Variants in DNAH9 observed in about 807,000 individuals in gnomAD.
DNAH9 encodes the protein dynein axonemal heavy chain 9, also known as DNAH9 variant protein.
DNAH9 carries 345 observed loss-of-function variants against 471.6 expected under a neutral mutation model. The ratio of observed to expected loss-of-function variants is 0.73; its 90% CI spans 0.67 to 0.80. DNAH9 has a LOEUF of 0.80. Ranked by LOEUF, DNAH9 falls within the 30% of genes least tolerant of loss-of-function variation. DNAH9 has a pLI of 0.00. For synonymous variants in DNAH9, 2,093 were observed against 2,123.6 expected, an observed-to-expected ratio of 0.99 and a Z score of 0.40; for missense variants, 5,407 against 5,609.2, an observed-to-expected ratio of 0.96 and a Z score of 1.15.
intron 41 of DNAH9, among the ~76,000 whole-genome samples, chr17:11,786,150 G>A (rs1312216923): frequency 1.3e-5 from 2 of 152,172 alleles, no homozygotes; most frequent in Non-Finnish European, 2.9e-5. Flanking sequence ...AGAACTGAAG[G>A]GAGAAGCATC....
chr17:11,702,953 C>T (rs941595678), intron 24 of DNAH9, among the ~76,000 whole-genome samples: 2 of 151,882 alleles, frequency 1.3e-5, no homozygotes, highest in African/African-American at 4.8e-5. Context: ...ATTAGCCAGG[C>T]GTGGTGGTGG....
At chr17:11,867,109 G>A (rs894238637) in intron 50 of DNAH9, among the ~76,000 whole-genome samples, 2 of 152,216 alleles carry the variant, frequency 1.3e-5, no homozygotes, top group Non-Finnish European at 2.9e-5. Context: ...CCCGTCTTCT[G>A]CGTCGCTAAC....
chr17:11,624,039 G>C (rs1489032910), intron 6 of DNAH9, among the ~76,000 whole-genome samples: 1 of 152,198 alleles, frequency 6.6e-6, no homozygotes, highest in East Asian at 1.9e-4. Context: ...GCAGTAAGTG[G>C]AGTAATTGCA....
In DNAH9 at chr17:11,919,315, G is replaced by T. The variant is rs567248257; in HGVS notation, c.11750-4499G>T. On this transcript the variant is annotated intron_variant, in intron 61 of 68. Transcript: ENST00000262442. ...TCGAGACCATCCTGGCTAACACGGT[G>T]AAACCCTATCTCTACTAAAAATACA... Among the ~76,000 whole-genome samples, 13 of 151,898 alleles carry T rather than the reference G, an allele frequency of 8.6e-5. No individual in the cohort carries two copies. In the East Asian group the frequency reaches 2.2e-3, roughly 25 times the overall value.
chr17:11,969,545 G>T lies in DNAH9; in HGVS notation c.*18G>T. On this transcript the variant is annotated 3_prime_UTR_variant, in exon 69 of 69. Coordinates refer to ENST00000262442, the MANE Select transcript of DNAH9 (RefSeq NM_001372.4). ...AGATTTAGCATCCTGCAGAGCCACCGAGAAAATAAAAAAGCTGGGCTTGGA... is the reference window on the plus strand; with the variant it reads ...AGATTTAGCATCCTGCAGAGCCACCTAGAAAATAAAAAAGCTGGGCTTGGA... 6.3e-7 allele frequency: 1 copy of T among 1,583,738 alleles called. No individual in the cohort carries two copies. The highest frequency in any genetic ancestry group is 1.1e-5 in the South Asian group (1 of 87,604).
At chr17:11,682,839 A>G (rs932486905) in intron 19 of DNAH9, among the ~76,000 whole-genome samples, 2 of 152,120 alleles carry the variant, frequency 1.3e-5, no homozygotes, top group African/African-American at 4.8e-5. Context: ...CTTTCAAGCA[A>G]TCATGAGGAG....
chr17:11,954,612 T>G (rs1280248778), intron 67 of DNAH9, among the ~76,000 whole-genome samples: 1 of 151,578 alleles, frequency 6.6e-6, no homozygotes, highest in East Asian at 1.9e-4. Flanking sequence ...GAAAACTAAG[T>G]AAAGATGTTT....
At chr17:11,797,903 G>C (rs1969304650) in intron 43 of DNAH9, 110 bp downstream of exon 43, 2 of 1,130,450 alleles carry the variant, frequency 1.8e-6, no homozygotes, top group Non-Finnish European at 2.5e-6. Flanking sequence ...AGGAGCTCCG[G>C]CTTCTGCCTT....
At chr17:11,658,017 A>C (rs939528131) in intron 14 of DNAH9, among the ~76,000 whole-genome samples, 1 of 152,060 alleles carries the variant, frequency 6.6e-6, no homozygotes, top group African/African-American at 2.4e-5. Context: ...ACATATCCAC[A>C]TAAGTTTTAG....
intron 5 of DNAH9, among the ~76,000 whole-genome samples, chr17:11,618,584 C>CAA (rs55954196): frequency 0.017 from 2,385 of 139,776 alleles, 53 homozygotes; most frequent in African/African-American, 0.053. Flanking sequence ...GACTCCATCT[C>CAA]AAAAAAAAAA....
At chr17:11,605,071 C>A (rs764383249) in intron 1 of DNAH9, among the ~76,000 whole-genome samples, 2 of 152,200 alleles carry the variant, frequency 1.3e-5, no homozygotes, top group Non-Finnish European at 2.9e-5. Context: ...CCCCGCTTTC[C>A]TTGCTTCCAC....
At chr17:11,745,790 C>T (rs1189097287) in intron 31 of DNAH9, among the ~76,000 whole-genome samples, 1 of 152,072 alleles carries the variant, frequency 6.6e-6, no homozygotes, top group Non-Finnish European at 1.5e-5. Context: ...CTATGGCATT[C>T]AAAATTCAGT....
intron 30 of DNAH9, 72 bp from the exon 31 acceptor site, chr17:11,744,725 T>C (rs2150839700): frequency 3.0e-6 from 4 of 1,348,062 alleles, no homozygotes; most frequent in Non-Finnish European, 4.1e-6. Flanking sequence ...AGCATATCTA[T>C]GATTCTGCAG....
At chr17:11,951,099 A>T (rs1183944941) in intron 67 of DNAH9, among the ~76,000 whole-genome samples, 1 of 152,184 alleles carries the variant, frequency 6.6e-6, no homozygotes, top group East Asian at 1.9e-4. Flanking sequence ...TACAACCCCA[A>T]ACAATTTTGT....
At chr17:11,658,039 C>T (rs2073686473) in intron 14 of DNAH9, among the ~76,000 whole-genome samples, 2 of 151,942 alleles carry the variant, frequency 1.3e-5, no homozygotes, top group South Asian at 4.1e-4. Flanking sequence ...TTCAGCCTGC[C>T]AATTTCTAGG....
At chr17:11,766,510 C>T (rs914452916) in intron 36 of DNAH9, among the ~76,000 whole-genome samples, 7 of 152,152 alleles carry the variant, frequency 4.6e-5, no homozygotes, top group South Asian at 4.2e-4. Flanking sequence ...GAAAATGAAG[C>T]GAAGTAACAC....
At position 11,907,458 on chromosome 17, in the gene DNAH9, G is replaced by GAA. The variant is rs58982882; in HGVS notation, c.11749+1660_11749+1661dup. On this transcript the variant is annotated intron_variant, in intron 61 of 68. Coordinates refer to ENST00000262442, the MANE Select transcript of DNAH9 (RefSeq NM_001372.4). ...GCACTCCAGCCTGGGCAACAAGAGT[G>GAA]AAAAAAAAAAAAGAGTCTGTCCTAT... 3.0e-4 allele frequency among the ~76,000 whole-genome samples: 43 copies of GAA among 142,658 alleles called. 1 individual carries two copies. The highest frequency in any genetic ancestry group is 1.3e-3 in the East Asian group (6 of 4,784). The allele number at this position is 142,658 out of a possible 152,430, so 93.6% of individuals were successfully genotyped here.
In DNAH9 at chr17:11,895,067, C is replaced by T. The variant is rs114392681; in HGVS notation, c.11406+571C>T. On this transcript the variant is annotated intron_variant, in intron 59 of 68. Transcript: ENST00000262442. ...TTAACATAGGAGGAAACAGGTCCCA[C>T]GCTTACCAGAAGCCCAGAACACAAT... 8.7e-3 allele frequency among the ~76,000 whole-genome samples: 1,318 copies of T among 152,340 alleles called. 24 individuals are homozygous for T. Among genetic ancestry groups the T allele is most frequent in the African/African-American group, 0.029 (1,226 of 41,564 alleles).
In DNAH9 at chr17:11,800,334, G is replaced by A. The variant is rs923826008; in HGVS notation, c.8420+2541G>A. On this transcript the variant is annotated intron_variant, in intron 43 of 68. Coordinates refer to ENST00000262442, the MANE Select transcript of DNAH9 (RefSeq NM_001372.4). ...GGATCCCACCTCCTCTCACCTTCTC[G>A]GTGACTTCACCTCTCGCTGTAATTA... is the stretch of plus-strand genomic sequence containing the variant. 6.0e-5 allele frequency among the ~76,000 whole-genome samples: 9 copies of A among 149,734 alleles called. No homozygotes were observed. In the East Asian group the frequency reaches 9.9e-4, roughly 16 times the overall value.
Sources: allele counts gnomAD v4.1 joint callset (sites outside exome capture counted in the v4.1 genomes callset), GRCh38; gene constraint gnomAD v4.1.1; transcripts MANE v1.5; gene names NCBI Gene and HGNC (gene_info 2026-07-23, HGNC 2026-07-21).